CCDC171: variants seen among roughly 807,000 people sequenced by gnomAD.
CCDC171 encodes the protein coiled-coil domain-containing protein 171.
CCDC171 carries 177 observed loss-of-function variants against 168.2 expected under a neutral mutation model. The observed-to-expected ratio is 1.05, with a 90% CI of 0.93 to 1.19. The LOEUF is 1.19. CCDC171 is among the 50% of genes most tolerant of loss of function. The pLI is 0.00. For missense variants in CCDC171, 1,991 were observed against 1,539.0 expected (o/e 1.29, Z -4.91); for synonymous variants, 687 against 540.8 (o/e 1.27, Z -3.75).
intron 11 of CCDC171, among the ~76,000 whole-genome samples, chr9:15,702,593 G>C (rs977758520): frequency 2.6e-5 from 4 of 152,048 alleles, no homozygotes; most frequent in African/African-American, 9.7e-5. Context: ...AAGCCTTAAA[G>C]CCAGGCATTG....
chr9:16,076,548 G>T, the CCDC171 span, among the ~76,000 whole-genome samples: 2 of 152,172 alleles, frequency 1.3e-5, no homozygotes, highest in South Asian at 4.2e-4. Context: ...AGCTCCTTAG[G>T]GTCCCATATC....
intron 7 of CCDC171, among the ~76,000 whole-genome samples, chr9:15,624,854 T>C (rs2044914663): frequency 6.6e-6 from 1 of 152,222 alleles, no homozygotes; most frequent in Non-Finnish European, 1.5e-5. Flanking sequence ...GGTTAAATGG[T>C]ATTTCTAGTT....
At chr9:15,653,696 A>G (rs1206758132) in intron 7 of CCDC171, among the ~76,000 whole-genome samples, 1 of 152,160 alleles carries the variant, frequency 6.6e-6, no homozygotes, top group African/African-American at 2.4e-5. Flanking sequence ...CCATATCTAG[A>G]CATTATATAG....
At chr9:15,623,210 C>G (rs1365659426) in intron 6 of CCDC171, 57 bp from the exon 7 acceptor site, 7 of 1,331,734 alleles carry the variant, frequency 5.3e-6, no homozygotes, top group Non-Finnish European at 6.1e-6. Context: ...ATTGGAGTGA[C>G]TCTTAGTCAT....
chr9:15,973,767 A>G lies in CCDC171; in HGVS notation c.*1931A>G, dbSNP rs1336351316. 2.0e-5 allele frequency: 3 copies of G among 152,192 alleles called. No homozygotes were observed. Among genetic ancestry groups the G allele is most frequent in the Non-Finnish European group, 4.4e-5 (3 of 68,016 alleles). The allele number at this position is 152,192 out of a possible 1,614,324, so 9.4% of individuals were successfully genotyped here. A position where few individuals can be genotyped will look rare whatever the true frequency, so the allele number is the denominator to read the frequency against. On this transcript the variant is annotated 3_prime_UTR_variant, in exon 26 of 26. Coordinates refer to ENST00000380701, the MANE Select transcript of CCDC171 (RefSeq NM_173550.4). The stretch of plus-strand genomic sequence containing the variant: ...CCAAACAATGATTAGGATATTGTTC[A>G]TACAGAAATTGATAGACAATTTTTT...
intron 7 of CCDC171, among the ~76,000 whole-genome samples, chr9:15,654,353 A>C (rs1016693380): frequency 1.3e-5 from 2 of 152,192 alleles, no homozygotes; most frequent in Non-Finnish European, 2.9e-5. Context: ...TTATATCCTG[A>C]AGCAGGATTA....
intron 24 of CCDC171, among the ~76,000 whole-genome samples, chr9:15,915,358 C>T (rs1230304141): frequency 3.8e-5 from 3 of 77,928 alleles, no homozygotes; most frequent in African/African-American, 6.4e-5. Context: ...TAAATATATT[C>T]CTAGTGTTTT....
chr9:15,931,443 T>C (rs985531388), intron 25 of CCDC171, among the ~76,000 whole-genome samples: 46 of 138,830 alleles, frequency 3.3e-4, no homozygotes, highest in African/African-American at 1.1e-3. Context: ...GGTCTTTCTT[T>C]CTTTCTTTCT....
intron 11 of CCDC171, among the ~76,000 whole-genome samples, chr9:15,713,978 G>A (rs1245404520): frequency 2.6e-5 from 4 of 151,908 alleles, no homozygotes; most frequent in Non-Finnish European, 5.9e-5. Flanking sequence ...TCTTTACTAA[G>A]GGGGTAGAAT....
chr9:16,058,640 A>G (rs1222679443), intron 1 of CCDC171, among the ~76,000 whole-genome samples: 1 of 152,252 alleles, frequency 6.6e-6, no homozygotes, highest in Non-Finnish European at 1.5e-5. Context: ...ACCTTGTAAT[A>G]GACCAGCAAA....
intron 24 of CCDC171, among the ~76,000 whole-genome samples, chr9:15,902,068 A>C (rs1409100226): frequency 6.6e-6 from 1 of 152,184 alleles, no homozygotes; most frequent in Non-Finnish European, 1.5e-5. Flanking sequence ...TAACAGAAAC[A>C]TTCTAGCTAG....
At chr9:15,982,961 A>T (rs544019873) in intron 3 of CCDC171, among the ~76,000 whole-genome samples, 16 of 152,254 alleles carry the variant, frequency 1.1e-4, no homozygotes, top group Admixed American at 3.9e-4. Flanking sequence ...AGTCACTCAA[A>T]TATTAACATC....
chr9:15,603,191 A>G (rs2042988301), intron 6 of CCDC171, among the ~76,000 whole-genome samples: 1 of 151,824 alleles, frequency 6.6e-6, no homozygotes, highest in Non-Finnish European at 1.5e-5. Context: ...TCACCGTGTT[A>G]GCCAGGATGG....
intron 25 of CCDC171, among the ~76,000 whole-genome samples, chr9:15,957,504 C>A (rs1156539683): frequency 6.6e-6 from 1 of 152,118 alleles, no homozygotes; most frequent in African/African-American, 2.4e-5. Flanking sequence ...AGCTGTTTCC[C>A]CCTAACTGTC....
chr9:15,563,804 T>C (rs1025157528), intron 1 of CCDC171, among the ~76,000 whole-genome samples, 174 bp from the exon 2 acceptor site: 1 of 152,242 alleles, frequency 6.6e-6, no homozygotes, highest in African/African-American at 2.4e-5. Context: ...TCCATCTCAG[T>C]CTGCTTATTT....
At chr9:15,847,340 A>G (rs944767816) in intron 22 of CCDC171, among the ~76,000 whole-genome samples, 2 of 152,078 alleles carry the variant, frequency 1.3e-5, no homozygotes, top group Non-Finnish European at 2.9e-5. Context: ...GACCATGGAA[A>G]ACTCATTTAA....
intron 8 of CCDC171, among the ~76,000 whole-genome samples, chr9:15,662,978 C>CACA (rs1564163159): frequency 2.4e-5 from 3 of 122,666 alleles, no homozygotes; most frequent in African/African-American, 6.9e-5. Flanking sequence ...GAGACTTCGT[C>CACA]TCAACAACAA....
chr9:16,026,452 C>A (rs1348802009), intron 6 of CCDC171, among the ~76,000 whole-genome samples: 8 of 152,190 alleles, frequency 5.3e-5, no homozygotes, highest in Admixed American at 3.9e-4. Context: ...TGTTTTCAAG[C>A]CACCTCAAGG....
At chr9:15,555,751 G>A (rs2038737440) in intron 1 of CCDC171, among the ~76,000 whole-genome samples, 1 of 152,228 alleles carries the variant, frequency 6.6e-6, no homozygotes, top group Admixed American at 6.5e-5. Context: ...TGTTACATAT[G>A]CATACATGTG....
Sources: gnomAD v4.1 joint callset for allele counts (sites outside exome capture counted in the v4.1 genomes callset) on GRCh38, gnomAD v4.1.1 for gene constraint, MANE v1.5 for transcripts, NCBI Gene and HGNC (gene_info 2026-07-23, HGNC 2026-07-21) for gene names.